Variants in SMAD6 observed in about 807,000 individuals in gnomAD.
The protein encoded by SMAD6 is MAD homolog 6.
SMAD6 carries 103 observed loss-of-function variants against 39.4 expected under a neutral mutation model. The observed-to-expected ratio is 2.62, with a 90% CI of 2.23 to 3.08. SMAD6 has a LOEUF of 3.08. Ranked by LOEUF, SMAD6 falls within the 30% of genes most tolerant of loss-of-function variation. SMAD6 has a pLI of 0.00. For missense variants in SMAD6, 1,104 were observed against 742.9 expected, an observed-to-expected ratio of 1.49 and a Z score of -5.65; for synonymous variants, 445 against 353.3, an observed-to-expected ratio of 1.26 and a Z score of -2.91.
In SMAD6 at chr15:66,780,823, C is replaced by T. The variant is rs191136551; in HGVS notation, c.953-174C>T. On this transcript the variant is annotated intron_variant, in intron 3 of 3. Coordinates refer to ENST00000288840, the MANE Select transcript of SMAD6 (RefSeq NM_005585.5). ...GCTTGTGTGTGTGAAAGAGATGTCC[C>T]GTTGTGCGCCATATTTCCTGAGGAC... Among the ~76,000 whole-genome samples the T allele has an allele frequency of 4.0e-3, 603 of 152,296 alleles. 7 individuals are homozygous for T. Among genetic ancestry groups the T allele is most frequent in the African/African-American group, 0.014 (576 of 41,556 alleles).
chr15:66,720,153 T>C (rs554968904), intron 3 of SMAD6, among the ~76,000 whole-genome samples: 7 of 152,228 alleles, frequency 4.6e-5, no homozygotes, highest in African/African-American at 1.4e-4. Flanking sequence ...TCCATTTGCT[T>C]GATTTCAGTT....
chr15:66,704,790 A>G (rs1251746804), intron 1 of SMAD6: 1 of 152,246 alleles, frequency 6.6e-6, no homozygotes, highest in African/African-American at 2.4e-5. Flanking sequence ...GTAGATGAAG[A>G]AGCCAGATAC....
Position 66,703,661 on chromosome 15 carries a change from GCCGGCGCGCC to G in SMAD6, c.408_417del (p.Ala137ThrfsTer41). Reference sequence around the variant, plus strand: ...CTGTCTCTTTTCGGAGCGGGACGCCGCCGGCGCGCCCCGGGACGCCAGCGACCCCCTGGCC... The same window carrying G: ...CTGTCTCTTTTCGGAGCGGGACGCCGCCGGGACGCCAGCGACCCCCTGGCC... On this transcript the variant is annotated frameshift_variant, in exon 1 of 4. Coordinates refer to ENST00000288840, the MANE Select transcript of SMAD6 (RefSeq NM_005585.5). LOFTEE classifies it high-confidence loss of function. The G allele has an allele frequency of 8.1e-7, 1 of 1,231,084 alleles. No individual in the cohort carries two copies. The highest frequency in any genetic ancestry group is 1.0e-6 in the Non-Finnish European group (1 of 986,078). The allele number at this position is 1,231,084 out of a possible 1,614,324, so 76.3% of individuals were successfully genotyped here.
chr15:66,770,103 C>T (rs1164726075), intron 3 of SMAD6, among the ~76,000 whole-genome samples: 1 of 152,228 alleles, frequency 6.6e-6, no homozygotes, highest in Non-Finnish European at 1.5e-5. Context: ...GCCGGGATTG[C>T]AGCCGTGAGC....
intron 3 of SMAD6, among the ~76,000 whole-genome samples, chr15:66,750,128 A>G (rs1284608861): frequency 6.6e-6 from 1 of 151,988 alleles, no homozygotes; most frequent in Non-Finnish European, 1.5e-5. Flanking sequence ...CTTCTTTGCA[A>G]CCCTGCCCTG....
chr15:66,779,390 A>G (rs1567115314), intron 3 of SMAD6, among the ~76,000 whole-genome samples: 10 of 151,882 alleles, frequency 6.6e-5, no homozygotes, highest in African/African-American at 2.4e-4. Context: ...GACTTGGATT[A>G]CCCCCCAGCA....
At chr15:66,719,021 ACACT>A (rs1344753194) in intron 3 of SMAD6, among the ~76,000 whole-genome samples, 1 of 152,216 alleles carries the variant, frequency 6.6e-6, no homozygotes, top group Non-Finnish European at 1.5e-5. Flanking sequence ...ACATTTATCG[ACACT>A]CACTACATGT....
At chr15:66,735,155 C>A (rs766735965) in intron 3 of SMAD6, among the ~76,000 whole-genome samples, 4 of 152,190 alleles carry the variant, frequency 2.6e-5, no homozygotes, top group Admixed American at 6.5e-5. Flanking sequence ...GCTCTTGGTC[C>A]ACACAAAAGA....
intron 3 of SMAD6, among the ~76,000 whole-genome samples, chr15:66,776,140 TC>T (rs1272442679): frequency 6.6e-6 from 1 of 152,244 alleles, no homozygotes; most frequent in Non-Finnish European, 1.5e-5. Flanking sequence ...GGCACCTCTT[TC>T]ACCGCAGGTG....
chr15:66,776,473 C>T (rs1185554654), intron 3 of SMAD6, among the ~76,000 whole-genome samples: 1 of 152,208 alleles, frequency 6.6e-6, no homozygotes, highest in Non-Finnish European at 1.5e-5. Context: ...AGCAGTTTAT[C>T]GATGGCCACA....
intron 1 of SMAD6, chr15:66,708,387 C>T (rs1595760867): frequency 5.2e-6 from 1 of 192,250 alleles, no homozygotes; most frequent in East Asian, 1.2e-4. Flanking sequence ...CCACCTTGCC[C>T]ACCTGAGGTA....
At chr15:66,728,532 G>A (rs1352825390) in intron 3 of SMAD6, among the ~76,000 whole-genome samples, 6 of 151,894 alleles carry the variant, frequency 4.0e-5, no homozygotes, top group African/African-American at 1.2e-4. Context: ...TCAGCCTCCT[G>A]AGTAGCTGAG....
At chr15:66,741,900 C>T (rs981493259) in intron 3 of SMAD6, among the ~76,000 whole-genome samples, 3 of 152,206 alleles carry the variant, frequency 2.0e-5, no homozygotes, top group Admixed American at 1.3e-4. Context: ...ACTGAGGCTG[C>T]AAGGCCGCTC....
At chr15:66,756,879 C>T (rs1324485969) in intron 3 of SMAD6, among the ~76,000 whole-genome samples, 1 of 152,230 alleles carries the variant, frequency 6.6e-6, no homozygotes, top group Non-Finnish European at 1.5e-5. Context: ...GCTGTTTCTT[C>T]TCCCTGGGAA....
chr15:66,710,442 C>T (rs1194820385), intron 1 of SMAD6, among the ~76,000 whole-genome samples: 1 of 152,172 alleles, frequency 6.6e-6, no homozygotes, highest in Non-Finnish European at 1.5e-5. Flanking sequence ...TTGGAAGTAA[C>T]TTTGAGCTGG....
At chr15:66,708,433 C>G (rs928066174) in intron 1 of SMAD6, among the ~76,000 whole-genome samples, 13 of 152,176 alleles carry the variant, frequency 8.5e-5, no homozygotes, top group African/African-American at 3.1e-4. Flanking sequence ...ATCCACAGGG[C>G]GCAGCCATGT....
intron 3 of SMAD6, among the ~76,000 whole-genome samples, chr15:66,718,748 G>A (rs1032707099): frequency 6.6e-6 from 1 of 152,162 alleles, no homozygotes; most frequent in East Asian, 1.9e-4. Flanking sequence ...CCTACTGGGA[G>A]CCCAAAGACA....
chr15:66,731,076 A>T (rs1206466500), intron 3 of SMAD6, among the ~76,000 whole-genome samples: 1 of 152,258 alleles, frequency 6.6e-6, no homozygotes, highest in Non-Finnish European at 1.5e-5. Flanking sequence ...GTATTATTAT[A>T]TGAATTTTTA....
intron 3 of SMAD6, among the ~76,000 whole-genome samples, chr15:66,750,471 G>C (rs1305479999): frequency 6.6e-6 from 1 of 152,178 alleles, no homozygotes; most frequent in Non-Finnish European, 1.5e-5. Context: ...CCTGTACCTG[G>C]TGTGGGGTAC....
Sources: allele counts gnomAD v4.1 joint callset (sites outside exome capture counted in the v4.1 genomes callset), GRCh38; gene constraint gnomAD v4.1.1; transcripts MANE v1.5; gene names NCBI Gene and HGNC (gene_info 2026-07-23, HGNC 2026-07-21).